Variants in CCDC88A observed in about 807,000 individuals in gnomAD.
CCDC88A encodes the protein girdin.
CCDC88A carries 54 observed loss-of-function variants against 234.3 expected under a neutral mutation model. The ratio of observed to expected loss-of-function variants is 0.23; its 90% confidence interval spans 0.19 to 0.29. The LOEUF (loss-of-function observed/expected upper bound fraction) is 0.29, where lower values mean the gene tolerates loss of function less well. Among genes scored for constraint, CCDC88A ranks in the 10% least tolerant of loss-of-function variants. The probability of loss-of-function intolerance (pLI) is 1.00; values close to 1 mark genes in which losing one functional copy is unlikely to be tolerated. For synonymous variants in CCDC88A, 753 were observed against 737.8 expected, an observed-to-expected ratio of 1.02 and a Z score of -0.33; for missense variants, 1,832 against 2,123.4, an observed-to-expected ratio of 0.86 and a Z score of 2.70.
At chr2:55,342,795 C>T (rs1018132437) in intron 12 of CCDC88A, among the ~76,000 whole-genome samples, 1 of 152,074 alleles carries the variant, frequency 6.6e-6, no homozygotes, top group Non-Finnish European at 1.5e-5. Flanking sequence ...TATAAAATCT[C>T]AAGAGTTTAT....
At chr2:55,390,230 T>C (rs1205402438) in intron 2 of CCDC88A, among the ~76,000 whole-genome samples, 1 of 152,128 alleles carries the variant, frequency 6.6e-6, no homozygotes, top group Admixed American at 6.5e-5. Flanking sequence ...AACAGATTCT[T>C]ATCTTTGCTT....
At chr2:55,367,843 A>C (rs1224829697) in intron 5 of CCDC88A, among the ~76,000 whole-genome samples, 1 of 152,144 alleles carries the variant, frequency 6.6e-6, no homozygotes. Context: ...AAGGGTCAAA[A>C]TTTTAATTCC....
At position 55,295,757 on chromosome 2, in the gene CCDC88A, G is replaced by A. The variant is rs1297649141; in HGVS notation, c.5391C>T (p.Asn1797=). Residue 1797 remains asparagine (N), a synonymous_variant, in exon 31 of 33, where the codon AAC becomes AAT. Transcript: ENST00000436346. ...TTGCACGAGGTAAAGTTGCATAAGG[G>A]TTACTATCTTTTGATTGTCGTGACA... ...SSLSRQSKDS[N]PYATLPRASS... The A allele has an allele frequency of 1.2e-6, 2 of 1,614,178 alleles. No individual in the cohort carries two copies. Among genetic ancestry groups the A allele is most frequent in the South Asian group, 1.1e-5 (1 of 91,080 alleles).
chr2:55,387,659 A>G (rs956749992), intron 3 of CCDC88A, among the ~76,000 whole-genome samples: 4 of 151,018 alleles, frequency 2.6e-5, no homozygotes, highest in Non-Finnish European at 5.9e-5. Context: ...GTGCACACCT[A>G]TAGTCCCAGC....
intron 3 of CCDC88A, among the ~76,000 whole-genome samples, chr2:55,382,388 A>G (rs1392856042): frequency 6.6e-6 from 1 of 152,216 alleles, no homozygotes; most frequent in Non-Finnish European, 1.5e-5. Context: ...TTTCCTTTGC[A>G]GCCTCAAATG....
At chr2:55,360,078 A>T (rs753287205) in intron 7 of CCDC88A, among the ~76,000 whole-genome samples, 1 of 152,176 alleles carries the variant, frequency 6.6e-6, no homozygotes. Flanking sequence ...ATAAAACAGT[A>T]TGTGTTAAAC....
chr2:55,403,449 T>G (rs1679052665), intron 2 of CCDC88A: 1 of 152,226 alleles, frequency 6.6e-6, no homozygotes, highest in Non-Finnish European at 1.5e-5. Flanking sequence ...AAACTGGGTT[T>G]ATTTATTATA....
At chr2:55,369,243 C>G (rs1356258913) in intron 5 of CCDC88A, among the ~76,000 whole-genome samples, 1 of 152,058 alleles carries the variant, frequency 6.6e-6, no homozygotes, top group East Asian at 1.9e-4. Context: ...CTATGTCAGC[C>G]AGGCTGGTCT....
chr2:55,340,792 A>G (rs1668376506), intron 12 of CCDC88A, among the ~76,000 whole-genome samples: 3 of 152,188 alleles, frequency 2.0e-5, no homozygotes, highest in Admixed American at 2.0e-4. Context: ...ATCTATTAAA[A>G]CACAGTATAG....
chr2:55,360,898 G>A (rs1671208254), intron 7 of CCDC88A, among the ~76,000 whole-genome samples: 2 of 152,160 alleles, frequency 1.3e-5, no homozygotes. Flanking sequence ...AGACCAGCCT[G>A]GCCAACATGG....
intron 7 of CCDC88A, 69 bp downstream of exon 7, chr2:55,362,239 G>T: frequency 8.1e-7 from 1 of 1,239,784 alleles, no homozygotes; most frequent in Middle Eastern, 2.0e-4. Context: ...TTTCTGAAAA[G>T]TTCCTAAAGC....
At chr2:55,292,854 C>G (rs759728240) in intron 31 of CCDC88A, 3 of 152,206 alleles carry the variant, frequency 2.0e-5, no homozygotes, top group Non-Finnish European at 4.4e-5. Flanking sequence ...GAGTGAGATT[C>G]CATCTCAAAC....
chr2:55,329,833 C>G (rs894753998), intron 16 of CCDC88A: 1 of 152,350 alleles, frequency 6.6e-6, no homozygotes, highest in Non-Finnish European at 1.5e-5. Context: ...AATCTCAGCT[C>G]ACTGCAATCT....
chr2:55,299,914 T>A lies in CCDC88A; in HGVS notation c.4750A>T (p.Arg1584Ter). Residue 1584 changes from arginine (R) to a stop codon, truncating the protein, a stop_gained, in exon 29 of 33, where the codon AGA becomes TGA. Coordinates refer to ENST00000436346, the MANE Select transcript of CCDC88A (RefSeq NM_001365480.1). LOFTEE classifies it high-confidence loss of function. ...SSTGSRVHAS[R>*]PASLDSGRTS... ...CTGCCACTATCAAGGCTGGCTGGTC[T>A]TGAAGCTAAATGAAAAAACCAGGAG... is the stretch of plus-strand genomic sequence containing the variant. The A allele has an allele frequency of 6.2e-7, 1 of 1,613,050 alleles. No homozygotes were observed. The highest frequency in any genetic ancestry group is 8.5e-7 in the Non-Finnish European group (1 of 1,179,186).
chr2:55,385,406 AAG>A (rs1225559991), intron 3 of CCDC88A, among the ~76,000 whole-genome samples: 6 of 152,232 alleles, frequency 3.9e-5, no homozygotes, highest in Admixed American at 3.9e-4. Flanking sequence ...TTCTGAAAAC[AAG>A]ACTCAGAATG....
Position 55,317,941 on chromosome 2 carries a change from T to C in CCDC88A, c.3325-100A>G, listed in dbSNP as rs1683173835. 1 of 830,758 alleles carries C rather than the reference T, an allele frequency of 1.2e-6. No homozygotes were observed. The highest frequency in any genetic ancestry group is 1.9e-5 in the South Asian group (1 of 53,818). The allele number at this position is 830,758 out of a possible 1,614,324, so 51.5% of individuals were successfully genotyped here. A position where few individuals can be genotyped will look rare whatever the true frequency, so the allele number is the denominator to read the frequency against. On this transcript the variant is annotated intron_variant, in intron 19 of 32. Coordinates refer to ENST00000436346, the MANE Select transcript of CCDC88A (RefSeq NM_001365480.1). This position sits in a 1 kb window ranked among gnomAD's most constrained non-coding sequence, Gnocchi z 4.2. ...TTAATTAAAGAAAGCTCTAAATGAATCACAGCACACATATTTACATTATAC... is the reference window on the plus strand; with the variant it reads ...TTAATTAAAGAAAGCTCTAAATGAACCACAGCACACATATTTACATTATAC...
At chr2:55,337,432 T>G (rs1337052249) in intron 13 of CCDC88A, 1 of 152,208 alleles carries the variant, frequency 6.6e-6, no homozygotes, top group Non-Finnish European at 1.5e-5. Flanking sequence ...ATGCTAAGAC[T>G]ATTGATTTTC....
At position 55,390,447 on chromosome 2, in the gene CCDC88A, T is replaced by C. The variant is rs1363068001; in HGVS notation, c.165-1561A>G. 2.0e-5 allele frequency among the ~76,000 whole-genome samples: 3 copies of C among 152,290 alleles called. No homozygotes were observed. The South Asian group carries it at 6.2e-4, about 32-fold the overall frequency. Reference sequence around the variant, plus strand: ...TGACCACATTCTTAATCCCCAACCTTGGATCAATTCAACCACTTACGCTGA... The same window carrying C: ...TGACCACATTCTTAATCCCCAACCTCGGATCAATTCAACCACTTACGCTGA... On this transcript the variant is annotated intron_variant, in intron 2 of 32. Coordinates refer to ENST00000436346, the MANE Select transcript of CCDC88A (RefSeq NM_001365480.1).
rs13026703 is a variant in CCDC88A, at chr2:55,384,530, T to C, written c.273+4248A>G. 4.2e-4 allele frequency among the ~76,000 whole-genome samples: 31 copies of C among 73,394 alleles called. 5 individuals are homozygous for C. The South Asian group carries it at 5.0e-3, about 12-fold the overall frequency. The allele number at this position is 73,394 out of a possible 152,430, so 48.1% of individuals were successfully genotyped here. On this transcript the variant is annotated intron_variant, in intron 3 of 32. Transcript: ENST00000436346. The stretch of plus-strand genomic sequence containing the variant: ...ATATTATATATAAATTATATATATA[T>C]ACATATATACGTATATATGTGTATA...
Sources: allele counts gnomAD v4.1 joint callset (sites outside exome capture counted in the v4.1 genomes callset), GRCh38; gene constraint gnomAD v4.1.1; non-coding constraint Gnocchi (gnomAD v3.1); transcripts MANE v1.5; gene names NCBI Gene and HGNC (gene_info 2026-07-23, HGNC 2026-07-21).